IL16: variants seen among roughly 807,000 people sequenced by gnomAD.
IL16 encodes the protein pro-interleukin-16.
A neutral mutation model predicts 110.1 loss-of-function variants in IL16; 67 were observed. The ratio of observed to expected loss-of-function variants is 0.61; its 90% CI spans 0.50 to 0.75. The LOEUF is 0.75. Ranked by LOEUF, IL16 falls within the 30% of genes least tolerant of loss-of-function variation. IL16 has a pLI of 0.00. For synonymous variants in IL16, 689 were observed against 662.9 expected, an observed-to-expected ratio of 1.04 and a Z score of -0.61; for missense variants, 1,545 against 1,655.0, an observed-to-expected ratio of 0.93 and a Z score of 1.15.
In IL16 at chr15:81,301,630, C is replaced by T. The variant is rs968597568; in HGVS notation, c.3318+118C>T. The T allele has an allele frequency of 3.1e-5, 25 of 812,474 alleles. 1 individual carries two copies. Among genetic ancestry groups the T allele is most frequent in the Non-Finnish European group, 4.5e-5 (23 of 511,490 alleles). 50.3% of individuals were successfully genotyped at this position (812,474 alleles called of 1,614,324 possible). ...GCCTGCTCACATCAGACCCAGGTTG[C>T]GTCCTGTGATGGTGGGACACTGTAG... is the stretch of plus-strand genomic sequence containing the variant. On this transcript the variant is annotated intron_variant, in intron 15 of 18. Transcript: ENST00000683961.
intron 1 of IL16, among the ~76,000 whole-genome samples, chr15:81,208,859 C>T (rs916186005): frequency 2.0e-5 from 3 of 152,112 alleles, no homozygotes; most frequent in Non-Finnish European, 2.9e-5. Flanking sequence ...TGTGTAATCC[C>T]AGACAATCCA....
Position 81,265,878 on chromosome 15 carries a change from G to C in IL16, c.564+77G>C, listed in dbSNP as rs1285040313. 3.6e-6 allele frequency: 5 copies of C among 1,389,016 alleles called. No individual in the cohort carries two copies. The African/African-American group carries it at 7.2e-5, about 20-fold the overall frequency. 86.0% of individuals were successfully genotyped at this position (1,389,016 alleles called of 1,614,324 possible). A position where few individuals can be genotyped will look rare whatever the true frequency, so the allele number is the denominator to read the frequency against. On this transcript the variant is annotated intron_variant, in intron 4 of 18. Coordinates refer to ENST00000683961, the MANE Select transcript of IL16 (RefSeq NM_172217.5). ...GAGGGGCCCAACATTAACAGTGGCTGAAGAGGCCTTCCCAGTAGTTTTTTT... is the reference window on the plus strand; with the variant it reads ...GAGGGGCCCAACATTAACAGTGGCTCAAGAGGCCTTCCCAGTAGTTTTTTT...
At chr15:81,217,929 C>G (rs1006861675) in intron 1 of IL16, among the ~76,000 whole-genome samples, 2 of 152,060 alleles carry the variant, frequency 1.3e-5, no homozygotes, top group African/African-American at 4.8e-5. Flanking sequence ...ATTCTACATA[C>G]TAGAAAACAC....
At position 81,279,625 on chromosome 15, in the gene IL16, G is replaced by A; in HGVS notation, c.932G>A (p.Ser311Asn). 3 of 1,614,146 alleles carry A rather than the reference G, an allele frequency of 1.9e-6. No individual in the cohort carries two copies. Among genetic ancestry groups the A allele is most frequent in the African/African-American group, 2.7e-5 (2 of 75,062 alleles). Residue 311 changes from serine to asparagine, a missense_variant, in exon 8 of 19, where the codon AGC becomes AAC. Physicochemically the swap from Ser to Asn is conservative, Grantham distance 46. This residue lies in a region of IL16 where 1,185 missense variants were observed against 1,238.8 expected (regional missense o/e 0.96). Coordinates refer to ENST00000683961, the MANE Select transcript of IL16 (RefSeq NM_172217.5). ...TRLTAPPSLC[S>N]HLSPPLCRSL... The stretch of plus-strand genomic sequence containing the variant: ...CTGACGGCGCCTCCTTCCCTGTGCA[G>A]CCACCTGTCTCCCCCACTGTGCCGC...
intron 10 of IL16, among the ~76,000 whole-genome samples, chr15:81,288,165 G>A (rs1899535103): frequency 6.6e-6 from 1 of 152,194 alleles, no homozygotes; most frequent in East Asian, 1.9e-4. Flanking sequence ...GAAAGACGAA[G>A]ACACCCTAGG....
intron 2 of IL16, among the ~76,000 whole-genome samples, chr15:81,239,023 G>T (rs1897265064): frequency 6.6e-6 from 1 of 150,450 alleles, no homozygotes. Context: ...TTCTTTACAG[G>T]TAATGTGTCA....
At chr15:81,266,662 C>T (rs1267441729) in intron 4 of IL16, among the ~76,000 whole-genome samples, 1 of 152,150 alleles carries the variant, frequency 6.6e-6, no homozygotes, top group Non-Finnish European at 1.5e-5. Context: ...AGAAACTGCC[C>T]CAGCCTTCAA....
In IL16 at chr15:81,309,494, C is replaced by T. The variant is rs1900742717; in HGVS notation, c.*696C>T. ...TGCCTTGGAAGTTGCATGGCATCACCTCCACCATACTCCATCAGTTAGAGC... is the reference window on the plus strand; with the variant it reads ...TGCCTTGGAAGTTGCATGGCATCACTTCCACCATACTCCATCAGTTAGAGC... On this transcript the variant is annotated 3_prime_UTR_variant, in exon 19 of 19. Coordinates refer to ENST00000683961, the MANE Select transcript of IL16 (RefSeq NM_172217.5). 6.6e-6 allele frequency: 1 copy of T among 152,394 alleles called. No homozygotes were observed. The highest frequency in any genetic ancestry group is 1.5e-5 in the Non-Finnish European group (1 of 68,124). 9.4% of individuals were successfully genotyped at this position (152,394 alleles called of 1,614,324 possible).
At chr15:81,198,062 T>C (rs993719495) in intron 1 of IL16, among the ~76,000 whole-genome samples, 1 of 152,172 alleles carries the variant, frequency 6.6e-6, no homozygotes, top group Non-Finnish European at 1.5e-5. Flanking sequence ...AGTTAAGTGA[T>C]GGTCAACATT....
chr15:81,212,882 C>G (rs1414078975), intron 1 of IL16, among the ~76,000 whole-genome samples: 4 of 152,044 alleles, frequency 2.6e-5, no homozygotes, highest in Non-Finnish European at 1.5e-5. Context: ...CAATTTCATT[C>G]AGTTCTTCTC....
intron 10 of IL16, among the ~76,000 whole-genome samples, chr15:81,286,453 G>C (rs1174128911): frequency 1.3e-5 from 2 of 152,208 alleles, no homozygotes; most frequent in African/African-American, 4.8e-5. Context: ...AGTGGGTTCT[G>C]TGGGGCTGGA....
intron 1 of IL16, among the ~76,000 whole-genome samples, chr15:81,197,835 T>G (rs1566989886): frequency 6.6e-6 from 1 of 152,098 alleles, no homozygotes; most frequent in Non-Finnish European, 1.5e-5. Flanking sequence ...AAGCATCTTC[T>G]CCTCCTGCCC....
intron 1 of IL16, among the ~76,000 whole-genome samples, chr15:81,209,343 G>A (rs554229911): frequency 2.0e-5 from 3 of 152,094 alleles, no homozygotes; most frequent in Non-Finnish European, 4.4e-5. Flanking sequence ...CAGTCTGGAT[G>A]GTGGTAAGAG....
At chr15:81,190,967 G>C (rs967259385) in intron 1 of IL16, among the ~76,000 whole-genome samples, 1 of 152,158 alleles carries the variant, frequency 6.6e-6, no homozygotes, top group Non-Finnish European at 1.5e-5. Flanking sequence ...TCTTATACAA[G>C]GAACAGTAGA....
At position 81,296,922 on chromosome 15, in the gene IL16, C is replaced by A; in HGVS notation, c.1903-6C>A. The A allele has an allele frequency of 2.5e-6, 4 of 1,605,742 alleles. No individual in the cohort carries two copies. The highest frequency in any genetic ancestry group is 3.4e-6 in the Non-Finnish European group (4 of 1,175,814). ...GACATGGTCTCGCTTCCTGTTTACACCACAGGAAGCGAGAGAGCTGCTGCC... is the reference window on the plus strand; with the variant it reads ...GACATGGTCTCGCTTCCTGTTTACAACACAGGAAGCGAGAGAGCTGCTGCC... On this transcript the variant is annotated splice_polypyrimidine_tract_variant and splice_region_variant and intron_variant, in intron 12 of 18. Transcript: ENST00000683961.
chr15:81,286,456 G>C (rs1483653552), intron 10 of IL16, among the ~76,000 whole-genome samples: 1 of 152,170 alleles, frequency 6.6e-6, no homozygotes, highest in African/African-American at 2.4e-5. Flanking sequence ...GGGTTCTGTG[G>C]GGCTGGAATG....
At chr15:81,205,349 T>C (rs1595944683) in intron 1 of IL16, among the ~76,000 whole-genome samples, 1 of 151,800 alleles carries the variant, frequency 6.6e-6, no homozygotes, top group East Asian at 1.9e-4. Context: ...TAATGATCTA[T>C]GATGTCCCCT....
chr15:81,277,369 A>G (rs1223001723), intron 6 of IL16, among the ~76,000 whole-genome samples: 2 of 152,234 alleles, frequency 1.3e-5, no homozygotes, highest in Non-Finnish European at 2.9e-5. Flanking sequence ...GAGGAAACAC[A>G]AAATGTTTCC....
In IL16 at chr15:81,282,850, A is replaced by G. The variant is rs1899249460; in HGVS notation, c.1199+94A>G. Reference sequence around the variant, plus strand: ...CGGGAGATTGATTTGGACATGAGCTATAAAGAATGATCTTGTGGTGGAGAT... The same window carrying G: ...CGGGAGATTGATTTGGACATGAGCTGTAAAGAATGATCTTGTGGTGGAGAT... On this transcript the variant is annotated intron_variant, in intron 9 of 18. Coordinates refer to ENST00000683961, the MANE Select transcript of IL16 (RefSeq NM_172217.5). The G allele has an allele frequency of 3.0e-6, 3 of 995,298 alleles. No homozygotes were observed. The African/African-American group carries it at 4.7e-5, about 16-fold the overall frequency. 61.7% of individuals were successfully genotyped at this position (995,298 alleles called of 1,614,324 possible).
Sources: gnomAD v4.1 joint callset for allele counts (sites outside exome capture counted in the v4.1 genomes callset) on GRCh38, gnomAD v4.1.1 for gene constraint, gnomAD v4.1.1 regional missense constraint, MANE v1.5 for transcripts, NCBI Gene and HGNC (gene_info 2026-07-23, HGNC 2026-07-21) for gene names.